Variants in GRM3 observed in about 807,000 individuals in gnomAD.
The protein encoded by GRM3 is metabotropic glutamate receptor 3.
GRM3 carries 26 observed loss-of-function variants against 70.5 expected under a neutral mutation model. The ratio of observed to expected loss-of-function variants is 0.37; its 90% CI spans 0.27 to 0.51. GRM3 has a LOEUF of 0.51. Ranked by LOEUF, GRM3 falls within the 20% of genes least tolerant of loss-of-function variation. The probability of loss-of-function intolerance (pLI) is 0.93; values close to 1 mark genes in which losing one functional copy is unlikely to be tolerated. For synonymous variants in GRM3, 443 were observed against 434.9 expected (o/e 1.02, Z -0.23); for missense variants, 859 against 1,123.8 (o/e 0.76, Z 3.37).
intron 3 of GRM3, among the ~76,000 whole-genome samples, chr7:86,790,861 A>G (rs1797393166): frequency 6.6e-6 from 1 of 151,914 alleles, no homozygotes; most frequent in Non-Finnish European, 1.5e-5. Flanking sequence ...GTAATGCATT[A>G]CCCCCAACCC....
chr7:86,659,727 CTTAT>C (rs1218604119), intron 1 of GRM3, among the ~76,000 whole-genome samples: 1 of 151,972 alleles, frequency 6.6e-6, no homozygotes, highest in Non-Finnish European at 1.5e-5. Flanking sequence ...ACTTATGCTT[CTTAT>C]TTTAACATAA....
chr7:86,808,220 GTC>G (rs1484925558), intron 3 of GRM3, among the ~76,000 whole-genome samples: 3 of 151,936 alleles, frequency 2.0e-5, no homozygotes, highest in Non-Finnish European at 4.4e-5. Flanking sequence ...TTTTTGCTGT[GTC>G]TCTGCCAGGC....
At chr7:86,773,855 A>T (rs939937630) in intron 2 of GRM3, among the ~76,000 whole-genome samples, 4 of 152,072 alleles carry the variant, frequency 2.6e-5, no homozygotes, top group African/African-American at 4.8e-5. Context: ...TTCTTAATTA[A>T]TTCCCCTTCT....
chr7:86,652,053 T>C (rs901611740), intron 1 of GRM3, among the ~76,000 whole-genome samples: 1 of 152,198 alleles, frequency 6.6e-6, no homozygotes, highest in African/African-American at 2.4e-5. Flanking sequence ...GAACAATTAA[T>C]TTATTGAATT....
intron 3 of GRM3, chr7:86,833,081 T>A: frequency 1.0e-6 from 1 of 980,072 alleles, no homozygotes; most frequent in Non-Finnish European, 1.2e-6. Context: ...ATTTTTCCAT[T>A]TCTGATGATG....
At chr7:86,687,583 G>A (rs1794597137) in intron 1 of GRM3, among the ~76,000 whole-genome samples, 2 of 151,284 alleles carry the variant, frequency 1.3e-5, no homozygotes, top group African/African-American at 4.9e-5. Context: ...AGCCGAGAAT[G>A]TTTTTCTGGG....
At chr7:86,688,815 GATATATAT>G (rs369715120) in intron 1 of GRM3, among the ~76,000 whole-genome samples, 1 of 141,638 alleles carries the variant, frequency 7.1e-6, no homozygotes, top group East Asian at 2.0e-4. Context: ...TCACACATAT[GATATATAT>G]ATATATATAT....
At chr7:86,836,449 A>C (rs1415218932) in intron 3 of GRM3, among the ~76,000 whole-genome samples, 1 of 152,244 alleles carries the variant, frequency 6.6e-6, no homozygotes, top group African/African-American at 2.4e-5. Flanking sequence ...TTAAAAGATT[A>C]ATTTTTTAAA....
chr7:86,691,105 C>T (rs975304660), intron 1 of GRM3, among the ~76,000 whole-genome samples: 2 of 152,126 alleles, frequency 1.3e-5, no homozygotes, highest in East Asian at 3.8e-4. Context: ...ATTTCACACT[C>T]CCTAGCCATT....
intron 2 of GRM3, among the ~76,000 whole-genome samples, chr7:86,769,148 A>C (rs1295469216): frequency 6.6e-6 from 1 of 152,044 alleles, no homozygotes; most frequent in African/African-American, 2.4e-5. Flanking sequence ...CCAGTGACTG[A>C]TTCTGGTCAT....
At chr7:86,648,771 G>A (rs274614) in intron 1 of GRM3, among the ~76,000 whole-genome samples, 102,515 of 151,836 alleles carry the variant, frequency 0.68, 34,947 homozygotes, top group East Asian at 0.88. Context: ...TTGTTCACTT[G>A]AAATCTTGTT....
At chr7:86,696,016 C>A (rs1467625672) in intron 1 of GRM3, among the ~76,000 whole-genome samples, 1 of 152,096 alleles carries the variant, frequency 6.6e-6, no homozygotes, top group Non-Finnish European at 1.5e-5. Context: ...ACTTTGTTTC[C>A]TGTCAAAGGT....
intron 1 of GRM3, among the ~76,000 whole-genome samples, chr7:86,659,812 T>A (rs559472633): frequency 7.9e-4 from 120 of 152,170 alleles, no homozygotes; most frequent in African/African-American, 2.9e-3. Flanking sequence ...TTTATTTCTT[T>A]ACAAACTATT....
At chr7:86,672,825 C>T (rs1299936582) in intron 1 of GRM3, among the ~76,000 whole-genome samples, 1 of 152,164 alleles carries the variant, frequency 6.6e-6, no homozygotes, top group Admixed American at 6.5e-5. Flanking sequence ...ATGCTTTTCT[C>T]TGACTTTGCT....
chr7:86,819,354 G>T lies in GRM3; in HGVS notation c.1325-19485G>T, dbSNP rs1798074775. Among the ~76,000 whole-genome samples, 4 of 152,100 alleles carry T rather than the reference G, an allele frequency of 2.6e-5. No homozygotes were observed. In the South Asian group the frequency reaches 6.2e-4, roughly 24 times the overall value. On this transcript the variant is annotated intron_variant, in intron 3 of 5. Coordinates refer to ENST00000361669, the MANE Select transcript of GRM3 (RefSeq NM_000840.3). ...TATCAAGGAAAGCTTTGAAAAAAAG[G>T]ATTTTACATTTATTCCAATTGATGT...
At chr7:86,680,384 CA>C (rs34952279) in intron 1 of GRM3, among the ~76,000 whole-genome samples, 33,696 of 152,016 alleles carry the variant, frequency 0.22, 3,954 homozygotes, top group African/African-American at 0.3. Flanking sequence ...CACTTTCAGA[CA>C]ATATGGCATA....
intron 1 of GRM3, among the ~76,000 whole-genome samples, chr7:86,656,236 C>T (rs1054295803): frequency 2.7e-5 from 4 of 148,276 alleles, no homozygotes; most frequent in Non-Finnish European, 5.9e-5. Context: ...AGGCCCAACC[C>T]ATTTTGTGAC....
At chr7:86,721,535 A>G (rs1795462293) in intron 1 of GRM3, among the ~76,000 whole-genome samples, 1 of 152,080 alleles carries the variant, frequency 6.6e-6, no homozygotes, top group Admixed American at 6.6e-5. Context: ...GGAAATTCAG[A>G]TCTTAGGCCA....
intron 1 of GRM3, among the ~76,000 whole-genome samples, chr7:86,689,474 A>C (rs1393509739): frequency 6.6e-6 from 1 of 152,102 alleles, no homozygotes; most frequent in African/African-American, 2.4e-5. Flanking sequence ...TGTAAAAAGG[A>C]ATAAGTTATG....
Sources: gnomAD v4.1 joint callset for allele counts (sites outside exome capture counted in the v4.1 genomes callset) on GRCh38, gnomAD v4.1.1 for gene constraint, MANE v1.5 for transcripts, NCBI Gene and HGNC (gene_info 2026-07-23, HGNC 2026-07-21) for gene names.